HDAC9: variants seen among roughly 807,000 people sequenced by gnomAD.
HDAC9 encodes the protein histone deacetylase 9.
In HDAC9, 41 loss-of-function variants were observed where a neutral mutation model predicts 139.4. The ratio of observed to expected loss-of-function variants is 0.29; its 90% CI spans 0.23 to 0.38. The LOEUF (loss-of-function observed/expected upper bound fraction) is 0.38. Ranked by LOEUF, HDAC9 falls within the 10% of genes least tolerant of loss-of-function variation. The pLI, the probability that HDAC9 is intolerant of heterozygous loss-of-function variation, is 1.00. For missense variants in HDAC9, 1,147 were observed against 1,297.0 expected (o/e 0.88, Z 1.78); for synonymous variants, 517 against 476.2 (o/e 1.09, Z -1.12).
chr7:18,171,473 C>T (rs2128133841), intron 2 of HDAC9, among the ~76,000 whole-genome samples: 1 of 152,268 alleles, frequency 6.6e-6, no homozygotes, highest in East Asian at 1.9e-4. Flanking sequence ...CCAGAACTTC[C>T]AACAGTATGT....
intron 22 of HDAC9, among the ~76,000 whole-genome samples, chr7:18,904,985 G>C (rs1332614404): frequency 6.6e-6 from 1 of 151,990 alleles, no homozygotes; most frequent in Non-Finnish European, 1.5e-5. Flanking sequence ...TACAACATCC[G>C]CCTCCAGGGT....
intron 21 of HDAC9, among the ~76,000 whole-genome samples, chr7:18,859,423 C>T (rs1425513270): frequency 1.3e-5 from 2 of 152,052 alleles, no homozygotes; most frequent in Non-Finnish European, 2.9e-5. Context: ...CACTTCAGAA[C>T]TCTATTCAGG....
intron 21 of HDAC9, among the ~76,000 whole-genome samples, chr7:18,862,794 TC>T (rs1240549173): frequency 6.6e-6 from 1 of 152,186 alleles, no homozygotes; most frequent in South Asian, 2.1e-4. Context: ...AAGAGGAAAT[TC>T]ATTTTGAGAA....
intron 17 of HDAC9, among the ~76,000 whole-genome samples, chr7:18,811,662 C>T (rs1376512957): frequency 6.6e-6 from 1 of 151,718 alleles, no homozygotes; most frequent in East Asian, 1.9e-4. Flanking sequence ...TCTCTTCCTA[C>T]AGTTTGTATT....
At chr7:18,379,197 C>T (rs1785230335) in intron 1 of HDAC9, among the ~76,000 whole-genome samples, 1 of 152,118 alleles carries the variant, frequency 6.6e-6, no homozygotes, top group African/African-American at 2.4e-5. Context: ...ATACAAACTA[C>T]ATTATTTTTA....
At chr7:18,773,576 T>G (rs1428036669) in intron 16 of HDAC9, among the ~76,000 whole-genome samples, 4 of 152,040 alleles carry the variant, frequency 2.6e-5, no homozygotes, top group African/African-American at 9.7e-5. Context: ...GTGGCTCGAT[T>G]AAATAAAAGC....
intron 23 of HDAC9, among the ~76,000 whole-genome samples, chr7:18,948,246 T>C (rs1453616768): frequency 6.6e-6 from 1 of 151,954 alleles, no homozygotes; most frequent in Non-Finnish European, 1.5e-5. Context: ...GAAAAAGATA[T>C]CAGTATTGGA....
At chr7:18,365,140 T>C (rs1278527700) in intron 1 of HDAC9, among the ~76,000 whole-genome samples, 2 of 151,916 alleles carry the variant, frequency 1.3e-5, no homozygotes, top group African/African-American at 2.4e-5. Context: ...AGAGAAGATA[T>C]GTAATTAGGT....
chr7:18,255,867 T>A (rs1264119635), intron 2 of HDAC9, among the ~76,000 whole-genome samples: 1 of 152,102 alleles, frequency 6.6e-6, no homozygotes, highest in African/African-American at 2.4e-5. Context: ...GACGTCGTGA[T>A]CTGCCCGCCT....
intron 1 of HDAC9, among the ~76,000 whole-genome samples, chr7:18,440,218 C>T (rs367764201): frequency 1.3e-4 from 18 of 138,620 alleles, no homozygotes; most frequent in Admixed American, 3.1e-4. Flanking sequence ...GAGTTTCACT[C>T]TTGTTGCCCA....
At chr7:18,643,442 T>A (rs1786363978) in intron 8 of HDAC9, among the ~76,000 whole-genome samples, 1 of 152,102 alleles carries the variant, frequency 6.6e-6, no homozygotes, top group Non-Finnish European at 1.5e-5. Flanking sequence ...GAGTTCCAAG[T>A]TGCAATGAGA....
Position 18,634,637 on chromosome 7 carries a change from C to T in HDAC9, c.807C>T (p.Val269=). ...CACAATATTTTTCAGAATCCTCAGT[C>T]AGTAGCAGTTCTCCAGGCTCTGGTC... is the stretch of plus-strand genomic sequence containing the variant. ...KRMFEVTESS[V]SSSSPGSGPS... The change falls in exon 8 of 26, where the codon GTC becomes GTT. Residue 269 remains valine (V), a synonymous_variant. Coordinates refer to ENST00000686413, the MANE Select transcript of HDAC9 (RefSeq NM_178425.4). 1 of 1,576,858 alleles carries T rather than the reference C, an allele frequency of 6.3e-7. No homozygotes were observed. Among genetic ancestry groups the T allele is most frequent in the South Asian group, 1.2e-5 (1 of 86,218 alleles).
chr7:18,376,286 A>C (rs1784989021), intron 1 of HDAC9, among the ~76,000 whole-genome samples: 1 of 152,218 alleles, frequency 6.6e-6, no homozygotes, highest in Non-Finnish European at 1.5e-5. Context: ...AAGTAGAGAT[A>C]ATTTCTCTTC....
chr7:18,804,545 G>C lies in HDAC9; in HGVS notation c.2322+11093G>C, dbSNP rs147651713. Among the ~76,000 whole-genome samples the C allele has an allele frequency of 6.6e-4, 101 of 152,216 alleles. 1 individual carries two copies. Among genetic ancestry groups the C allele is most frequent in the Non-Finnish European group, 1.2e-3 (80 of 68,018 alleles). ...TTCATATACATTTTGCCACACATTT[G>C]GCCTTTCTTAAAATGTTATATTGCT... On this transcript the variant is annotated intron_variant, in intron 17 of 25. Coordinates refer to ENST00000686413, the MANE Select transcript of HDAC9 (RefSeq NM_178425.4).
chr7:18,091,209 A>G (rs1187906092), intron 1 of HDAC9, among the ~76,000 whole-genome samples: 3 of 152,216 alleles, frequency 2.0e-5, no homozygotes, highest in Non-Finnish European at 4.4e-5. Flanking sequence ...AGTATCAAGT[A>G]CTGAAAAAAA....
At chr7:18,572,685 A>C (rs1022987079) in intron 2 of HDAC9, among the ~76,000 whole-genome samples, 1 of 152,166 alleles carries the variant, frequency 6.6e-6, no homozygotes, top group African/African-American at 2.4e-5. Flanking sequence ...TTTATATCAA[A>C]TTGAATTTTA....
At chr7:18,201,322 C>T (rs530291376) in intron 2 of HDAC9, among the ~76,000 whole-genome samples, 2 of 152,260 alleles carry the variant, frequency 1.3e-5, no homozygotes, top group South Asian at 4.1e-4. Flanking sequence ...ATTTATGATA[C>T]CATTCTCTTT....
At chr7:18,341,616 A>G (rs554271162) in intron 1 of HDAC9, among the ~76,000 whole-genome samples, 6 of 151,568 alleles carry the variant, frequency 4.0e-5, no homozygotes, top group Admixed American at 6.6e-5. Flanking sequence ...TTATGCCACT[A>G]CTTAGTTTTT....
intron 13 of HDAC9, among the ~76,000 whole-genome samples, chr7:18,741,416 G>A (rs578141000): frequency 2.0e-5 from 3 of 152,154 alleles, no homozygotes; most frequent in Admixed American, 2.0e-4. Context: ...ACAAAGCCTG[G>A]GTGACAGCAT....
Sources: gnomAD v4.1 joint callset for allele counts (sites outside exome capture counted in the v4.1 genomes callset) on GRCh38, gnomAD v4.1.1 for gene constraint, MANE v1.5 for transcripts, NCBI Gene and HGNC (gene_info 2026-07-23, HGNC 2026-07-21) for gene names.